The following SH3GL3 variants were observed in gnomAD, a reference collection of about 807,000 sequenced individuals.
SH3GL3 encodes SH3 domain containing GRB2 like 3, endophilin A3.
SH3GL3 carries 33 observed loss-of-function variants against 47.7 expected under a neutral mutation model. That is an observed-to-expected ratio of 0.69 (90% confidence interval 0.52 to 0.92). The LOEUF (loss-of-function observed/expected upper bound fraction) is 0.92. Ranked by LOEUF, SH3GL3 falls within the 40% of genes least tolerant of loss-of-function variation. The pLI is 0.00. For synonymous variants in SH3GL3, 155 were observed against 148.8 expected, an observed-to-expected ratio of 1.04 and a Z score of -0.30; for missense variants, 363 against 417.8, an observed-to-expected ratio of 0.87 and a Z score of 1.14.
chr15:83,559,957 A>G (rs1001114102), intron 2 of SH3GL3, among the ~76,000 whole-genome samples: 4 of 152,224 alleles, frequency 2.6e-5, no homozygotes, highest in Admixed American at 6.5e-5. Context: ...AACATGCTCC[A>G]AAGAAAAATG....
chr15:83,556,978 G>A (rs1401559348), intron 1 of SH3GL3, among the ~76,000 whole-genome samples: 2 of 152,246 alleles, frequency 1.3e-5, no homozygotes, highest in Non-Finnish European at 2.9e-5. Flanking sequence ...AGCAGTCACA[G>A]CGGACCTGAC....
At chr15:83,537,488 G>T (rs2043965015) in intron 1 of SH3GL3, among the ~76,000 whole-genome samples, 1 of 152,208 alleles carries the variant, frequency 6.6e-6, no homozygotes, top group African/African-American at 2.4e-5. Context: ...GAAGCACAGA[G>T]AAGTTCACAG....
At chr15:83,532,248 G>A (rs1449560448) in intron 1 of SH3GL3, among the ~76,000 whole-genome samples, 1 of 152,206 alleles carries the variant, frequency 6.6e-6, no homozygotes, top group Admixed American at 6.5e-5. Flanking sequence ...TGAAAAAATT[G>A]AAGTTTGAGA....
At chr15:83,457,789 T>C (rs1019775078) in intron 1 of SH3GL3, among the ~76,000 whole-genome samples, 3 of 152,336 alleles carry the variant, frequency 2.0e-5, no homozygotes, top group Non-Finnish European at 4.4e-5. Context: ...GGTGTGAAGA[T>C]AGATGTTTAA....
intron 1 of SH3GL3, among the ~76,000 whole-genome samples, chr15:83,461,690 A>G (rs2040307497): frequency 6.6e-6 from 1 of 152,166 alleles, no homozygotes; most frequent in South Asian, 2.1e-4. Flanking sequence ...TGTTAATTAT[A>G]TTAGCAAGGT....
chr15:83,508,829 C>A (rs1478471573), intron 1 of SH3GL3, among the ~76,000 whole-genome samples: 2 of 152,130 alleles, frequency 1.3e-5, no homozygotes, highest in African/African-American at 4.8e-5. Context: ...CTCCTGACCT[C>A]GTGATCCGCT....
At chr15:83,487,356 T>G (rs1423326184) in intron 1 of SH3GL3, among the ~76,000 whole-genome samples, 1 of 152,122 alleles carries the variant, frequency 6.6e-6, no homozygotes, top group African/African-American at 2.4e-5. Context: ...GTGCCTTGCA[T>G]GTCTTATAAT....
At chr15:83,559,152 A>T (rs1188811884) in intron 1 of SH3GL3, 101 bp from the exon 2 acceptor site, 8 of 699,688 alleles carry the variant, frequency 1.1e-5, no homozygotes, top group Non-Finnish European at 2.0e-5. Context: ...AAATCCAACA[A>T]GTTGAATCCA....
chr15:83,587,384 C>T (rs1477094409), intron 7 of SH3GL3, among the ~76,000 whole-genome samples: 1 of 151,966 alleles, frequency 6.6e-6, no homozygotes, highest in East Asian at 1.9e-4. Flanking sequence ...GCTCTCCCAC[C>T]TGGGACATCA....
chr15:83,586,279 C>T (rs545013951), intron 6 of SH3GL3, among the ~76,000 whole-genome samples: 1 of 152,142 alleles, frequency 6.6e-6, no homozygotes, highest in East Asian at 1.9e-4. Flanking sequence ...TTATACAGCC[C>T]CATATCATCC....
At chr15:83,558,129 C>T (rs889471903) in intron 1 of SH3GL3, among the ~76,000 whole-genome samples, 14 of 152,088 alleles carry the variant, frequency 9.2e-5, no homozygotes, top group South Asian at 2.1e-4. Flanking sequence ...ATTTTAAGGG[C>T]GTAGATTATG....
At chr15:83,474,808 T>C (rs967760532) in intron 1 of SH3GL3, among the ~76,000 whole-genome samples, 5 of 152,142 alleles carry the variant, frequency 3.3e-5, no homozygotes, top group Non-Finnish European at 5.9e-5. Context: ...ATGTGAGAGC[T>C]CTGGCATGAT....
chr15:83,533,271 C>T (rs2043761984), intron 1 of SH3GL3, among the ~76,000 whole-genome samples: 1 of 152,080 alleles, frequency 6.6e-6, no homozygotes, highest in Admixed American at 6.6e-5. Context: ...GGCTTGAGTA[C>T]ATGTAAATGT....
intron 1 of SH3GL3, among the ~76,000 whole-genome samples, chr15:83,474,679 T>C (rs1403518964): frequency 6.6e-6 from 1 of 152,198 alleles, no homozygotes; most frequent in East Asian, 1.9e-4. Flanking sequence ...AGATAACTCC[T>C]GGCTTTTTGT....
At chr15:83,522,710 GAA>G (rs1487977678) in intron 1 of SH3GL3, among the ~76,000 whole-genome samples, 41 of 152,286 alleles carry the variant, frequency 2.7e-4, no homozygotes, top group Non-Finnish European at 4.4e-4. Context: ...GGTTGATAAA[GAA>G]GAGGCAAAAT....
At chr15:83,501,109 T>C (rs539781963) in intron 1 of SH3GL3, among the ~76,000 whole-genome samples, 22 of 152,340 alleles carry the variant, frequency 1.4e-4, no homozygotes, top group Non-Finnish European at 2.6e-4. Flanking sequence ...ACGTTTTTAG[T>C]GTTCCAAAGT....
At chr15:83,518,421 A>G (rs1268981085) in intron 1 of SH3GL3, among the ~76,000 whole-genome samples, 2 of 152,158 alleles carry the variant, frequency 1.3e-5, no homozygotes, top group African/African-American at 4.8e-5. Context: ...ACTTTTTAAT[A>G]ATAGTCTTTC....
Position 83,580,653 on chromosome 15 carries a change from G to A in SH3GL3, c.624+3912G>A, listed in dbSNP as rs193047462. On this transcript the variant is annotated intron_variant, in intron 6 of 8. Coordinates refer to ENST00000427482, the MANE Select transcript of SH3GL3 (RefSeq NM_003027.5). ...TACAGACCTCCTGGTCAACTGTGCT[G>A]AAGGACATGGCCTGGGCCTAAAGTC... is the stretch of plus-strand genomic sequence containing the variant. Among the ~76,000 whole-genome samples, 140 of 152,398 alleles carry A rather than the reference G, an allele frequency of 9.2e-4. 1 individual carries two copies. Among genetic ancestry groups the A allele is most frequent in the Middle Eastern group, 3.4e-3 (1 of 294 alleles).
At chr15:83,462,934 G>A (rs1230210418) in intron 1 of SH3GL3, among the ~76,000 whole-genome samples, 1 of 152,108 alleles carries the variant, frequency 6.6e-6, no homozygotes, top group African/African-American at 2.4e-5. Context: ...GTCCATCCTA[G>A]CACCCAGGGA....
Sources: allele counts gnomAD v4.1 joint callset (sites outside exome capture counted in the v4.1 genomes callset), GRCh38; gene constraint gnomAD v4.1.1; transcripts MANE v1.5; gene names NCBI Gene and HGNC (gene_info 2026-07-23, HGNC 2026-07-21).